The following CACNA2D1 variants were observed in gnomAD, a reference collection of about 807,000 sequenced individuals.
The protein encoded by CACNA2D1 is voltage-dependent calcium channel subunit alpha-2/delta-1.
CACNA2D1 carries 53 observed loss-of-function variants against 171.5 expected under a neutral mutation model. That is an observed-to-expected ratio of 0.31 (90% CI 0.25 to 0.39). The LOEUF is 0.39. Ranked by LOEUF, CACNA2D1 falls within the 10% of genes least tolerant of loss-of-function variation. CACNA2D1 has a pLI of 1.00. For missense variants in CACNA2D1, 903 were observed against 1,299.8 expected, an observed-to-expected ratio of 0.69 and a Z score of 4.69; for synonymous variants, 442 against 443.1, an observed-to-expected ratio of 1.00 and a Z score of 0.03.
chr7:82,283,721 A>C (rs1387780013), intron 3 of CACNA2D1, among the ~76,000 whole-genome samples: 1 of 152,216 alleles, frequency 6.6e-6, no homozygotes, highest in South Asian at 2.1e-4. Flanking sequence ...ATTAAATTGC[A>C]TAAGGGAAAA....
intron 3 of CACNA2D1, among the ~76,000 whole-genome samples, chr7:82,262,763 G>C (rs991021728): frequency 6.6e-6 from 1 of 152,108 alleles, no homozygotes; most frequent in Non-Finnish European, 1.5e-5. Context: ...CCCCAAGGCA[G>C]TTATTGAAGC....
At chr7:82,259,739 G>A (rs936178993) in intron 3 of CACNA2D1, among the ~76,000 whole-genome samples, 1 of 152,170 alleles carries the variant, frequency 6.6e-6, no homozygotes, top group African/African-American at 2.4e-5. Context: ...TGCATAAACT[G>A]CAGTGGTTAA....
intron 6 of CACNA2D1, among the ~76,000 whole-genome samples, chr7:82,110,147 T>A (rs1788205368): frequency 6.6e-6 from 1 of 152,208 alleles, no homozygotes; most frequent in Non-Finnish European, 1.5e-5. Context: ...ATGGAAAAGA[T>A]TACAAAATTC....
Position 82,418,361 on chromosome 7 carries a change from T to C in CACNA2D1, c.95+25004A>G, listed in dbSNP as rs1305092917. On this transcript the variant is annotated intron_variant, in intron 1 of 38. Coordinates refer to ENST00000356860, the MANE Select transcript of CACNA2D1 (RefSeq NM_000722.4). ...GGGTGGGGACACAGCCAAACCATAT[T>C]AGACAATAAGAGTAGAATGCATCTG... 2.0e-5 allele frequency among the ~76,000 whole-genome samples: 3 copies of C among 152,050 alleles called. No homozygotes were observed. The East Asian group carries it at 5.8e-4, about 29-fold the overall frequency.
intron 3 of CACNA2D1, among the ~76,000 whole-genome samples, chr7:82,328,059 C>T (rs1412567826): frequency 6.6e-6 from 1 of 152,134 alleles, no homozygotes; most frequent in Non-Finnish European, 1.5e-5. Context: ...CCCCTTGATG[C>T]CGTGTCTCAT....
At chr7:82,318,522 A>G (rs1157402300) in intron 3 of CACNA2D1, among the ~76,000 whole-genome samples, 4 of 152,168 alleles carry the variant, frequency 2.6e-5, no homozygotes, top group African/African-American at 9.6e-5. Flanking sequence ...TTCACCACAC[A>G]TTTTATGTAA....
chr7:82,204,031 C>T (rs941195821), intron 3 of CACNA2D1, among the ~76,000 whole-genome samples: 2 of 152,194 alleles, frequency 1.3e-5, no homozygotes, highest in Non-Finnish European at 2.9e-5. Context: ...GGCCATGGGG[C>T]CTGAGGCACC....
chr7:82,015,433 C>T (rs978630772), intron 12 of CACNA2D1, among the ~76,000 whole-genome samples: 2 of 151,914 alleles, frequency 1.3e-5, no homozygotes, highest in Admixed American at 6.6e-5. Context: ...ATAAAGTATG[C>T]AAATATTTTA....
At chr7:82,303,452 T>TA (rs573316819) in intron 3 of CACNA2D1, among the ~76,000 whole-genome samples, 31,309 of 122,236 alleles carry the variant, frequency 0.26, 3,385 homozygotes, top group Middle Eastern at 0.33. Flanking sequence ...TGTATGTAAC[T>TA]AAAAAAAAAA....
intron 1 of CACNA2D1, among the ~76,000 whole-genome samples, chr7:82,421,605 G>A (rs1006643076): frequency 6.6e-6 from 1 of 152,116 alleles, no homozygotes; most frequent in African/African-American, 2.4e-5. Context: ...AACATCATGG[G>A]AGAAGGGCAG....
At chr7:82,056,470 T>C (rs187985794) in intron 10 of CACNA2D1, among the ~76,000 whole-genome samples, 1 of 152,236 alleles carries the variant, frequency 6.6e-6, no homozygotes, top group East Asian at 1.9e-4. Flanking sequence ...AGATGATCTG[T>C]CCACTGGAGA....
At chr7:82,107,614 C>T (rs1188373019) in intron 6 of CACNA2D1, among the ~76,000 whole-genome samples, 9 of 140,352 alleles carry the variant, frequency 6.4e-5, no homozygotes, top group Admixed American at 5.2e-4. Context: ...GAGACAGTCT[C>T]GCTCTGTCAC....
chr7:82,352,592 G>A (rs1236638314), intron 1 of CACNA2D1, among the ~76,000 whole-genome samples: 1 of 152,168 alleles, frequency 6.6e-6, no homozygotes, highest in Admixed American at 6.5e-5. Flanking sequence ...AGATGGAGAT[G>A]CAGGCTGGGT....
chr7:81,997,664 TAAA>T (rs34518880), intron 18 of CACNA2D1, among the ~76,000 whole-genome samples: 1 of 139,972 alleles, frequency 7.1e-6, no homozygotes. Context: ...TTAAAATTTG[TAAA>T]AAAAAAAAAA....
At chr7:82,354,493 A>C (rs2129446476) in intron 1 of CACNA2D1, among the ~76,000 whole-genome samples, 1 of 152,300 alleles carries the variant, frequency 6.6e-6, no homozygotes, top group South Asian at 2.1e-4. Context: ...ATGGAAAGAG[A>C]ATGCAGATTT....
intron 4 of CACNA2D1, among the ~76,000 whole-genome samples, chr7:82,160,681 C>A (rs1319742789): frequency 6.6e-6 from 1 of 151,810 alleles, no homozygotes; most frequent in African/African-American, 2.4e-5. Flanking sequence ...CTTACGTGGC[C>A]CAGGCTAATC....
At chr7:82,366,391 T>C (rs879306497) in intron 1 of CACNA2D1, among the ~76,000 whole-genome samples, 4 of 152,174 alleles carry the variant, frequency 2.6e-5, no homozygotes, top group Non-Finnish European at 5.9e-5. Flanking sequence ...ATCCCAACTC[T>C]AGTAATCTTT....
intron 3 of CACNA2D1, among the ~76,000 whole-genome samples, chr7:82,302,103 C>T (rs1813086778): frequency 6.6e-6 from 1 of 152,024 alleles, no homozygotes; most frequent in African/African-American, 2.4e-5. Flanking sequence ...ATTTTCTTTC[C>T]TAAATAATGT....
chr7:82,116,394 A>G (rs1275800063), intron 6 of CACNA2D1, among the ~76,000 whole-genome samples: 2 of 151,848 alleles, frequency 1.3e-5, no homozygotes, highest in Admixed American at 6.6e-5. Context: ...TATTTTCCTA[A>G]ACACTTTTTT....
Sources: gnomAD v4.1 joint callset for allele counts (sites outside exome capture counted in the v4.1 genomes callset) on GRCh38, gnomAD v4.1.1 for gene constraint, MANE v1.5 for transcripts, NCBI Gene and HGNC (gene_info 2026-07-23, HGNC 2026-07-21) for gene names.